The following MYH7 variants were observed in gnomAD, a reference collection of about 807,000 sequenced individuals.
The protein encoded by MYH7 is myosin heavy chain 7, also known as myosin-7.
Under a neutral mutation model 225.4 loss-of-function variants are expected in MYH7, and 129 were observed. That is an observed-to-expected ratio of 0.57 (90% CI 0.50 to 0.66). The LOEUF is 0.66. MYH7 is among the 30% of genes least tolerant of loss of function. The pLI is 0.00. For synonymous variants in MYH7, 971 were observed against 1,007.6 expected (o/e 0.96, Z 0.69); for missense variants, 1,649 against 2,517.0 (o/e 0.66, Z 7.38).
At chr14:23,428,013 C>G in intron 15 of MYH7, 119 bp from the exon 16 acceptor site, 1 of 1,282,606 alleles carries the variant, frequency 7.8e-7, no homozygotes, top group Non-Finnish European at 1.1e-6. Context: ...GTAGTAGGCT[C>G]AGCTCTGAGT....
At chr14:23,413,708 T>G (rs745347396) in intron 39 of MYH7, 51 bp downstream of exon 39, 1 of 1,612,094 alleles carries the variant, frequency 6.2e-7, no homozygotes. Flanking sequence ...GTGCTCTGTC[T>G]GGGTATGCCT....
intron 22 of MYH7, 140 bp downstream of exon 22, chr14:23,424,629 T>C: frequency 3.6e-6 from 5 of 1,399,216 alleles, no homozygotes; most frequent in Non-Finnish European, 4.9e-6. Context: ...GGGACCTCTT[T>C]GGAGGTCTTT....
At position 23,429,341 on chromosome 14, in the gene MYH7, T is replaced by G. The variant is rs1566535491; in HGVS notation, c.1145A>C (p.Asp382Ala). 1 of 1,614,132 alleles carries G rather than the reference T, an allele frequency of 6.2e-7. No individual in the cohort carries two copies. Among genetic ancestry groups the G allele is most frequent in the Non-Finnish European group, 8.5e-7 (1 of 1,179,988 alleles). The change falls in exon 13 of 40, where the codon GAC (aspartate) becomes GCC (alanine). Residue 382 changes from aspartate to alanine, a missense_variant. Physicochemically the swap from Asp to Ala is moderately radical, Grantham distance 126. Coordinates refer to ENST00000355349, the MANE Select transcript of MYH7 (RefSeq NM_000257.4). ...QAEPDGTEEADKSAYLMGLNS... is the reference protein window; with the variant it reads ...QAEPDGTEEAAKSAYLMGLNS... Reference sequence around the variant, plus strand: ...CAGCCCCATGAGGTAGGCAGACTTGTCAGCCTCTGGAAGGAAAAGGCAAGT... The same window carrying G: ...CAGCCCCATGAGGTAGGCAGACTTGGCAGCCTCTGGAAGGAAAAGGCAAGT...
At chr14:23,432,958 G>A (rs60304193) in intron 4 of MYH7, 126 bp downstream of exon 4, 1 of 1,520,450 alleles carries the variant, frequency 6.6e-7, no homozygotes, top group Non-Finnish European at 9.0e-7. Flanking sequence ...ATTGAACCAA[G>A]GATGTTGGGA....
At position 23,420,097 on chromosome 14, in the gene MYH7, G is replaced by T. The variant is rs587780395; in HGVS notation, c.3474C>A (p.Ser1158=). ...GCTTCTTGTTCATCTCGATCTGCACGGACGTGGCCCCGCCGGCCTCTTCCA... is the reference window on the plus strand; with the variant it reads ...GCTTCTTGTTCATCTCGATCTGCACTGACGTGGCCCCGCCGGCCTCTTCCA... ...ERLEEAGGAT[S]VQIEMNKKRE... The change falls in exon 27 of 40, where the codon TCC becomes TCA. Residue 1158 remains serine, a synonymous_variant. Coordinates refer to ENST00000355349, the MANE Select transcript of MYH7 (RefSeq NM_000257.4). The T allele has an allele frequency of 1.9e-6, 3 of 1,602,402 alleles. No individual in the cohort carries two copies. Among genetic ancestry groups the T allele is most frequent in the Non-Finnish European group, 2.6e-6 (3 of 1,175,716 alleles).
chr14:23,423,475 A>T (rs1892564254), intron 24 of MYH7, 72 bp downstream of exon 24: 1 of 1,557,368 alleles, frequency 6.4e-7, no homozygotes, highest in African/African-American at 1.4e-5. Flanking sequence ...ACACACACAC[A>T]CACACACACA....
chr14:23,432,353 A>T, intron 6 of MYH7, 126 bp downstream of exon 6: 1 of 1,171,668 alleles, frequency 8.5e-7, no homozygotes, highest in Non-Finnish European at 1.3e-6. Flanking sequence ...TCAGAGAAGA[A>T]GGAGATGGGC....
chr14:23,421,428 T>G (rs1892470783), intron 25 of MYH7, among the ~76,000 whole-genome samples: 1 of 152,244 alleles, frequency 6.6e-6, no homozygotes, highest in African/African-American at 2.4e-5. Flanking sequence ...GAAACTTATT[T>G]TCCTCTTTGG....
At chr14:23,434,278 GC>G in intron 1 of MYH7, 29 bp from the exon 2 acceptor site, 1 of 999,226 alleles carries the variant, frequency 1.0e-6, no homozygotes, top group Non-Finnish European at 1.2e-6. Context: ...CTGTGTCAGG[GC>G]AGGCTGTGCC....
At position 23,423,921 on chromosome 14, in the gene MYH7, C is replaced by A. The variant is rs1446657813; in HGVS notation, c.2908G>T (p.Ala970Ser). Residue 970 changes from alanine (A) to serine (S), a missense_variant, in exon 23 of 40, where the codon GCA becomes TCA. Coordinates refer to ENST00000355349, the MANE Select transcript of MYH7 (RefSeq NM_000257.4). ...GCTGCCCTTACCTTGTTCTCTGTTG[C>A]GTGTTTCTCCTTCTCCACTTTGGCC... ...TLAKVEKEKH[A>S]TENKVKNLTE... 11 of 1,614,068 alleles carry A rather than the reference C, an allele frequency of 6.8e-6. No homozygotes were observed. The highest frequency in any genetic ancestry group is 9.3e-6 in the Non-Finnish European group (11 of 1,180,038).
intron 6 of MYH7, 131 bp from the exon 7 acceptor site, chr14:23,432,000 C>G: frequency 1.1e-6 from 1 of 896,900 alleles, no homozygotes; most frequent in Admixed American, 2.0e-5. Flanking sequence ...TTATCTACAC[C>G]CAAAATCCAC....
chr14:23,420,221 T>A lies in MYH7; in HGVS notation c.3350A>T (p.Glu1117Val), dbSNP rs778821604. Reference protein sequence around the residue: ...KLKELQARIEELEEELEAERT... With the variant: ...KLKELQARIEVLEEELEAERT... ...CTCGGCCTCCAGCTCCTCCTCCAGC[T>A]CCTCGATGCGTGCCTGGTCAGACAC... is the stretch of plus-strand genomic sequence containing the variant. The change falls in exon 27 of 40, where the codon GAG becomes GTG. Residue 1117 changes from glutamate (E) to valine (V), a missense_variant. This residue lies in a region of MYH7 where 106 missense variants were observed against 198.8 expected (regional missense o/e 0.53). Transcript: ENST00000355349. 1.2e-6 allele frequency: 2 copies of A among 1,609,024 alleles called. No individual in the cohort carries two copies. The highest frequency in any genetic ancestry group is 1.7e-5 in the Admixed American group (1 of 59,752).
chr14:23,417,472 A>G, intron 31 of MYH7, 31 bp downstream of exon 31: 5 of 1,612,184 alleles, frequency 3.1e-6, no homozygotes, highest in Non-Finnish European at 4.2e-6. Context: ...CTTGCCCTGC[A>G]TGCTGGCTGC....
intron 33 of MYH7, 25 bp from the exon 34 acceptor site, chr14:23,416,337 T>G: frequency 6.2e-7 from 1 of 1,609,042 alleles, no homozygotes; most frequent in African/African-American, 1.3e-5. Context: ...GGGGAGGGGA[T>G]GCAGGCAGAC....
chr14:23,430,454 A>G (rs549452574), intron 11 of MYH7, 106 bp downstream of exon 11: 54 of 893,420 alleles, frequency 6.0e-5, no homozygotes, highest in Non-Finnish European at 9.1e-5. Context: ...GGAGGTCCAT[A>G]CCACTTTAAA....
intron 1 of MYH7, among the ~76,000 whole-genome samples, chr14:23,435,285 C>G (rs913217821): frequency 3.3e-5 from 5 of 152,110 alleles, no homozygotes; most frequent in African/African-American, 1.2e-4. Context: ...TGATCATACA[C>G]CCACATCTCC....
Position 23,424,771 on chromosome 14 carries a change from C to T in MYH7, c.2677G>A (p.Ala893Thr), listed in dbSNP as rs750204313. ...CAACAGTAGCCCAGGAGCCTCACCG[C>T]CTGCACTTGGAGCTGCAGGTCATTC... The part of the protein sequence containing the change: ...EKNDLQLQVQ[A>T]EQDNLADAEE... Residue 893 changes from alanine to threonine, a missense_variant and splice_region_variant, in exon 22 of 40, where the codon GCG becomes ACG. This residue lies in a region of MYH7 where 282 missense variants were observed against 315.3 expected (regional missense o/e 0.89). Transcript: ENST00000355349. The T allele has an allele frequency of 3.1e-6, 5 of 1,614,000 alleles. No homozygotes were observed. The African/African-American group carries it at 5.3e-5, about 17-fold the overall frequency.
chr14:23,432,931 G>T, intron 4 of MYH7, 136 bp from the exon 5 acceptor site: 1 of 1,481,030 alleles, frequency 6.8e-7, no homozygotes, highest in Non-Finnish European at 9.3e-7. Context: ...AGTAATGCCA[G>T]TCCCCAGAGT....
Position 23,433,799 on chromosome 14 carries a change from G to A in MYH7, c.-8-59C>T. The A allele has an allele frequency of 1.3e-6, 2 of 1,561,074 alleles. No homozygotes were observed. Among genetic ancestry groups the A allele is most frequent in the Non-Finnish European group, 1.8e-6 (2 of 1,139,088 alleles). On this transcript the variant is annotated intron_variant, in intron 2 of 39. Transcript: ENST00000355349. This position sits in a 1 kb window ranked among gnomAD's most constrained non-coding sequence, Gnocchi z 4.1. ...TGCCCATTCTTCCCTTCCCTCCCTG[G>A]GCTCTCCCCTTCAGTGGGAGCCCCA...
Sources: gnomAD v4.1 joint callset for allele counts (sites outside exome capture counted in the v4.1 genomes callset) on GRCh38, gnomAD v4.1.1 for gene constraint, gnomAD v4.1.1 regional missense constraint, Gnocchi (gnomAD v3.1) non-coding constraint, MANE v1.5 for transcripts, NCBI Gene and HGNC (gene_info 2026-07-23, HGNC 2026-07-21) for gene names.